Variants in AKNA observed in about 807,000 individuals in gnomAD.
AKNA encodes microtubule organization protein AKNA.
Under a neutral mutation model 138.8 loss-of-function variants are expected in AKNA, and 67 were observed. The ratio of observed to expected loss-of-function variants is 0.48; its 90% CI spans 0.40 to 0.59. The LOEUF (loss-of-function observed/expected upper bound fraction) is 0.59, where lower values mean the gene tolerates loss of function less well. Among genes scored for constraint, AKNA ranks in the 20% least tolerant of loss-of-function variants. AKNA has a pLI of 0.00. For synonymous variants in AKNA, 737 were observed against 754.4 expected, an observed-to-expected ratio of 0.98 and a Z score of 0.38; for missense variants, 1,813 against 1,880.4, an observed-to-expected ratio of 0.96 and a Z score of 0.66.
chr9:114,360,745 G>A (rs1337215523), intron 9 of AKNA, among the ~76,000 whole-genome samples: 1 of 152,138 alleles, frequency 6.6e-6, no homozygotes, highest in Non-Finnish European at 1.5e-5. Context: ...CAGGCAACAG[G>A]AGTTGGGAGG....
intron 1 of AKNA, among the ~76,000 whole-genome samples, chr9:114,381,747 G>C (rs942922633): frequency 7.9e-6 from 1 of 127,012 alleles, no homozygotes; most frequent in African/African-American, 2.9e-5. Context: ...TGCAACCTCC[G>C]TCTCCCAGGT....
At chr9:114,395,006 G>T (rs926017112), upstream of AKNA, among the ~76,000 whole-genome samples, 1 of 152,156 alleles carries the variant, frequency 6.6e-6, no homozygotes, top group African/African-American at 2.4e-5. Context: ...GTGTGGGAGC[G>T]GCACTGGGCG....
At chr9:114,361,355 G>C (rs1175777583) in intron 9 of AKNA, among the ~76,000 whole-genome samples, 1 of 152,028 alleles carries the variant, frequency 6.6e-6, no homozygotes, top group Non-Finnish European at 1.5e-5. Flanking sequence ...AAGCTTCTCT[G>C]ACCTCCTCCT....
chr9:114,379,680 T>G (rs1564092628), intron 2 of AKNA, among the ~76,000 whole-genome samples: 1 of 152,224 alleles, frequency 6.6e-6, no homozygotes. Context: ...CAGCTCTTAC[T>G]ATTCTCCACG....
intron 4 of AKNA, among the ~76,000 whole-genome samples, chr9:114,372,413 C>A (rs2132016070): frequency 6.6e-6 from 1 of 152,300 alleles, no homozygotes; most frequent in East Asian, 1.9e-4. Context: ...CGTGTCCACC[C>A]CCGCCTGTCA....
chr9:114,341,859 G>A, intron 20 of AKNA, 134 bp from the exon 21 acceptor site: 1 of 1,318,672 alleles, frequency 7.6e-7, no homozygotes, highest in East Asian at 2.3e-5. Flanking sequence ...ATGTCGGGGA[G>A]GTCTCTCTTT....
chr9:114,346,082 A>C, intron 17 of AKNA, 73 bp from the exon 18 acceptor site: 1 of 1,491,742 alleles, frequency 6.7e-7, no homozygotes, highest in Non-Finnish European at 9.2e-7. Flanking sequence ...TGGGTATGCC[A>C]TGAGTTTAGG....
rs542081683 is a variant in AKNA at position 114,380,592 on chromosome 9, T to C, written c.274+468A>G. On this transcript the variant is annotated intron_variant, in intron 2 of 21. Coordinates refer to ENST00000374088, the MANE Select transcript of AKNA (RefSeq NM_001317950.2). ...TCCGGTTGTTCTGCAATGAATGGTA[T>C]TATGTATACAATTTAAATCTTTAAA... Among the ~76,000 whole-genome samples, 152 of 152,296 alleles carry C rather than the reference T, an allele frequency of 1.0e-3. 4 individuals carry two copies. The South Asian group carries it at 0.03, about 30-fold the overall frequency.
chr9:114,371,151 TG>T (rs897749687), intron 4 of AKNA, among the ~76,000 whole-genome samples: 3 of 152,146 alleles, frequency 2.0e-5, no homozygotes, highest in African/African-American at 7.2e-5. Context: ...CTGGGCTCCC[TG>T]GTCCTGCCCC....
downstream of AKNA, among the ~76,000 whole-genome samples, chr9:114,332,243 C>T (rs541668500): frequency 1.6e-4 from 24 of 152,022 alleles, no homozygotes; most frequent in South Asian, 2.1e-4. Flanking sequence ...CCTACAGACG[C>T]GTCCCAAACC....
At chr9:114,330,566 T>G (rs1439332777), downstream of AKNA, 1 of 1,612,850 alleles carries the variant, frequency 6.2e-7, no homozygotes. Context: ...TCTCAGAGAG[T>G]ACCAGACCCG....
intron 20 of AKNA, 58 bp downstream of exon 20, chr9:114,341,951 A>C: frequency 6.7e-7 from 1 of 1,502,234 alleles, no homozygotes; most frequent in Non-Finnish European, 9.3e-7. Context: ...AGGTCTAATA[A>C]CCCTGGTCAA....
chr9:114,340,773 T>C (rs1173634609), intron 21 of AKNA, among the ~76,000 whole-genome samples: 1 of 152,138 alleles, frequency 6.6e-6, no homozygotes, highest in Admixed American at 6.5e-5. Context: ...TGACTGATGT[T>C]ACGTCCAGAA....
upstream of AKNA, among the ~76,000 whole-genome samples, chr9:114,389,428 G>GA (rs1000980768): frequency 4.6e-5 from 7 of 152,238 alleles, no homozygotes; most frequent in East Asian, 3.9e-4. Context: ...ATGTAGGAGA[G>GA]AAAAAAATCT....
chr9:114,361,217 T>C (rs1043663291), intron 9 of AKNA, among the ~76,000 whole-genome samples: 4 of 152,166 alleles, frequency 2.6e-5, no homozygotes, highest in Admixed American at 2.6e-4. Flanking sequence ...ATTTTTCCTT[T>C]CTCTTCCCAT....
chr9:114,366,279 C>CAAAAAA (rs35834810), intron 6 of AKNA, among the ~76,000 whole-genome samples: 1 of 127,808 alleles, frequency 7.8e-6, no homozygotes, highest in Admixed American at 7.9e-5. Context: ...GACTCTGTCT[C>CAAAAAA]AAAAAAAAAA....
upstream of AKNA, among the ~76,000 whole-genome samples, chr9:114,389,305 C>T (rs896700879): frequency 6.6e-6 from 1 of 152,152 alleles, no homozygotes; most frequent in South Asian, 2.1e-4. Context: ...CCACCCAGGA[C>T]CCAGAGACTC....
chr9:114,391,688 A>G (rs1263105114), upstream of AKNA, among the ~76,000 whole-genome samples: 1 of 152,006 alleles, frequency 6.6e-6, no homozygotes, highest in Non-Finnish European at 1.5e-5. Context: ...ACCTCTACTA[A>G]AAATACAAAA....
intron 12 of AKNA, among the ~76,000 whole-genome samples, chr9:114,357,321 T>G (rs928110553): frequency 2.0e-5 from 3 of 152,214 alleles, no homozygotes; most frequent in Non-Finnish European, 4.4e-5. Context: ...TGGAATACTA[T>G]GGTCTTATCT....
Sources: allele counts gnomAD v4.1 joint callset (sites outside exome capture counted in the v4.1 genomes callset), GRCh38; gene constraint gnomAD v4.1.1; transcripts MANE v1.5; gene names NCBI Gene and HGNC (gene_info 2026-07-23, HGNC 2026-07-21).